DIS3L2: variants seen among roughly 807,000 people sequenced by gnomAD.
The protein encoded by DIS3L2 is DIS3-like exonuclease 2.
A neutral mutation model predicts 97.5 loss-of-function variants in DIS3L2; 34 were observed. That is an observed-to-expected ratio of 0.35 (90% CI 0.27 to 0.46). DIS3L2 has a LOEUF of 0.46. DIS3L2 is among the 20% of genes least tolerant of loss of function. The probability of loss-of-function intolerance (pLI) is 1.00; values close to 1 mark genes in which losing one functional copy is unlikely to be tolerated. For synonymous variants in DIS3L2, 435 were observed against 445.2 expected, an observed-to-expected ratio of 0.98 and a Z score of 0.29; for missense variants, 1,038 against 1,146.0, an observed-to-expected ratio of 0.91 and a Z score of 1.36.
intron 9 of DIS3L2, among the ~76,000 whole-genome samples, chr2:232,204,839 C>T (rs554698791): frequency 1.5e-4 from 23 of 152,162 alleles, no homozygotes; most frequent in East Asian, 1.4e-3. Flanking sequence ...CTAGCCACTG[C>T]GGCTTGCAAG....
intron 14 of DIS3L2, among the ~76,000 whole-genome samples, chr2:232,302,662 G>C (rs1325648684): frequency 6.6e-6 from 1 of 151,508 alleles, no homozygotes; most frequent in Non-Finnish European, 1.5e-5. Context: ...CTGGGTTCAA[G>C]TGATTCTCCT....
At chr2:232,323,656 G>C (rs1695498089) in intron 14 of DIS3L2, among the ~76,000 whole-genome samples, 1 of 152,200 alleles carries the variant, frequency 6.6e-6, no homozygotes, top group African/African-American at 2.4e-5. Flanking sequence ...TCATTTCTCT[G>C]TGGTTTCATG....
At chr2:232,295,354 T>G (rs537429761) in intron 13 of DIS3L2, among the ~76,000 whole-genome samples, 36 of 152,310 alleles carry the variant, frequency 2.4e-4, no homozygotes, top group African/African-American at 8.7e-4. Context: ...AAAATCATAC[T>G]AGGACATTCT....
At position 232,071,521 on chromosome 2, in the gene DIS3L2, C is replaced by CA. The variant is rs1468919945; in HGVS notation, c.367-15958dup. ...TGGGCAACAGAGTGAGACCCTGTCT[C>CA]AAAAAAAAGAAAAAAAAAAAAGAAA... On this transcript the variant is annotated intron_variant, in intron 5 of 20. Coordinates refer to ENST00000325385, the MANE Select transcript of DIS3L2 (RefSeq NM_152383.5). Among the ~76,000 whole-genome samples the CA allele has an allele frequency of 4.2e-4, 56 of 134,310 alleles. 1 individual carries two copies. Among genetic ancestry groups the CA allele is most frequent in the East Asian group, 1.3e-3 (6 of 4,676 alleles). The allele number at this position is 134,310 out of a possible 152,430, so 88.1% of individuals were successfully genotyped here.
chr2:232,102,451 C>T (rs1450695696), intron 6 of DIS3L2, among the ~76,000 whole-genome samples: 1 of 152,088 alleles, frequency 6.6e-6, no homozygotes, highest in Non-Finnish European at 1.5e-5. Flanking sequence ...AATGATATTG[C>T]AGAGATATAG....
chr2:231,982,758 C>T (rs1236872381), intron 1 of DIS3L2, among the ~76,000 whole-genome samples: 3 of 151,712 alleles, frequency 2.0e-5, no homozygotes, highest in Admixed American at 6.6e-5. Flanking sequence ...CATCTGACTG[C>T]AACCTCTGCC....
At chr2:232,155,600 A>G (rs1690467888) in intron 8 of DIS3L2, among the ~76,000 whole-genome samples, 1 of 151,984 alleles carries the variant, frequency 6.6e-6, no homozygotes, top group African/African-American at 2.4e-5. Context: ...TTATTTCAGA[A>G]AAGTTTTCTT....
chr2:232,235,382 A>G (rs1692906593), intron 10 of DIS3L2, among the ~76,000 whole-genome samples: 1 of 152,234 alleles, frequency 6.6e-6, no homozygotes, highest in Admixed American at 6.5e-5. Flanking sequence ...CCACCTCAAG[A>G]GTTCTGCAAG....
chr2:232,027,724 C>G (rs1369344897), intron 4 of DIS3L2, among the ~76,000 whole-genome samples: 2 of 152,154 alleles, frequency 1.3e-5, no homozygotes, highest in Admixed American at 6.5e-5. Flanking sequence ...ATAATTTCTA[C>G]TGACAGAAAG....
intron 12 of DIS3L2, 43 bp downstream of exon 12, chr2:232,249,389 G>A (rs1254072410): frequency 2.5e-6 from 4 of 1,585,306 alleles, no homozygotes; most frequent in East Asian, 4.5e-5. Context: ...CCTCTTTTCT[G>A]TTCCATGAGT....
At chr2:232,321,790 C>T (rs921985489) in intron 14 of DIS3L2, among the ~76,000 whole-genome samples, 3 of 152,126 alleles carry the variant, frequency 2.0e-5, no homozygotes, top group Admixed American at 6.5e-5. Flanking sequence ...AACAAGAGGC[C>T]CCCCCTTTGT....
chr2:232,016,681 G>T (rs1027157306), intron 3 of DIS3L2, among the ~76,000 whole-genome samples: 3 of 152,144 alleles, frequency 2.0e-5, no homozygotes, highest in African/African-American at 7.2e-5. Context: ...TATCAGGCAG[G>T]TAGTAGGCTG....
At chr2:232,030,622 C>T (rs777279186) in intron 5 of DIS3L2, among the ~76,000 whole-genome samples, 7 of 152,088 alleles carry the variant, frequency 4.6e-5, no homozygotes, top group South Asian at 4.1e-4. Flanking sequence ...TTTTGGGTTT[C>T]GGTCTCCATC....
In DIS3L2 at chr2:231,962,057, G is replaced by A. The variant is rs1053320807; in HGVS notation, c.-94+292G>A. 5.9e-5 allele frequency among the ~76,000 whole-genome samples: 9 copies of A among 152,222 alleles called. 1 individual carries two copies. The highest frequency in any genetic ancestry group is 5.9e-4 in the Admixed American group (9 of 15,294). On this transcript the variant is annotated intron_variant, in intron 1 of 20. Transcript: ENST00000325385. Reference sequence around the variant, plus strand: ...TGTAGCCTAGGATGGCGTGAGGGGAGCGAGACCAGAATTAGAGCCTGTTGC... The same window carrying A: ...TGTAGCCTAGGATGGCGTGAGGGGAACGAGACCAGAATTAGAGCCTGTTGC...
intron 1 of DIS3L2, among the ~76,000 whole-genome samples, chr2:231,990,895 C>T (rs1015930502): frequency 2.6e-5 from 4 of 151,954 alleles, no homozygotes; most frequent in South Asian, 2.1e-4. Flanking sequence ...AAATAGACTC[C>T]GAGTTTTTGG....
downstream of DIS3L2, among the ~76,000 whole-genome samples, chr2:232,338,122 T>TGAGAGCCCCAAACAG (rs370245728): frequency 6.6e-6 from 1 of 151,780 alleles, no homozygotes; most frequent in Non-Finnish European, 1.5e-5. Context: ...AGCCTGACTG[T>TGAGAGCCCCAAACAG]GAGAGCCCCA....
chr2:232,329,785 T>TACCGGGGGGGG, intron 14 of DIS3L2, 28 bp from the exon 15 acceptor site: 11 of 967,142 alleles, frequency 1.1e-5, no homozygotes, highest in Non-Finnish European at 1.6e-5. Flanking sequence ...ACCCCAGCGG[T>TACCGGGGGGGG]CCCTCCCATC....
intron 6 of DIS3L2, among the ~76,000 whole-genome samples, chr2:232,117,912 T>C (rs1036113976): frequency 1.3e-5 from 2 of 152,238 alleles, no homozygotes; most frequent in African/African-American, 2.4e-5. Flanking sequence ...ATTTATTATC[T>C]CACAGTTTCT....
At chr2:232,018,852 A>G (rs1436755241) in intron 3 of DIS3L2, among the ~76,000 whole-genome samples, 1 of 152,172 alleles carries the variant, frequency 6.6e-6, no homozygotes, top group Admixed American at 6.5e-5. Flanking sequence ...ACAGTAACAC[A>G]TGGTCATGTA....
Sources: gnomAD v4.1 joint callset for allele counts (sites outside exome capture counted in the v4.1 genomes callset) on GRCh38, gnomAD v4.1.1 for gene constraint, MANE v1.5 for transcripts, NCBI Gene and HGNC (gene_info 2026-07-23, HGNC 2026-07-21) for gene names.